The following ST18 variants were observed in gnomAD, a reference collection of about 807,000 sequenced individuals.
ST18 encodes the protein ST18 C2H2C-type zinc finger transcription factor.
In ST18, 50 loss-of-function variants were observed where a neutral mutation model predicts 110.0. The ratio of observed to expected loss-of-function variants is 0.45; its 90% CI spans 0.36 to 0.58. The LOEUF (loss-of-function observed/expected upper bound fraction) is 0.58, where lower values mean the gene tolerates loss of function less well. ST18 is among the 20% of genes least tolerant of loss of function. ST18 has a pLI of 0.00. For synonymous variants in ST18, 461 were observed against 452.4 expected (o/e 1.02, Z -0.24); for missense variants, 1,306 against 1,280.1 (o/e 1.02, Z -0.31).
chr8:52,147,316 A>G (rs1167917553), intron 16 of ST18, among the ~76,000 whole-genome samples: 1 of 152,228 alleles, frequency 6.6e-6, no homozygotes, highest in Non-Finnish European at 1.5e-5. Context: ...AAAAAGTAAC[A>G]TAAAATATTT....
At chr8:52,249,451 T>A (rs1027212529) in intron 2 of ST18, 1 of 152,230 alleles carries the variant, frequency 6.6e-6, no homozygotes, top group Admixed American at 6.6e-5. Context: ...AGTCCAGTGT[T>A]TGTGTCGTTG....
chr8:52,234,347 C>G (rs1034207517), intron 2 of ST18, among the ~76,000 whole-genome samples: 2 of 152,100 alleles, frequency 1.3e-5, no homozygotes, highest in African/African-American at 4.8e-5. Flanking sequence ...TCACTGCAAC[C>G]TCCGCCCCCC....
chr8:52,194,378 ATC>A (rs893846225), intron 8 of ST18: 1 of 149,282 alleles, frequency 6.7e-6, no homozygotes, highest in Non-Finnish European at 1.5e-5. Context: ...TATAAACCTT[ATC>A]TCTCTACACT....
intron 2 of ST18, among the ~76,000 whole-genome samples, chr8:52,311,535 C>G (rs765496801): frequency 6.6e-6 from 1 of 152,108 alleles, no homozygotes; most frequent in Admixed American, 6.5e-5. Context: ...ACTGCTATAA[C>G]GATACTACCA....
chr8:52,242,378 G>C (rs967305889), intron 2 of ST18, among the ~76,000 whole-genome samples: 1 of 152,218 alleles, frequency 6.6e-6, no homozygotes, highest in Non-Finnish European at 1.5e-5. Flanking sequence ...TATGGTGCCT[G>C]AGGTTGAATC....
intron 16 of ST18, among the ~76,000 whole-genome samples, chr8:52,144,793 T>C (rs931536752): frequency 1.3e-5 from 2 of 152,118 alleles, no homozygotes; most frequent in Non-Finnish European, 2.9e-5. Flanking sequence ...GCTGCCTCCA[T>C]GGGATCCACA....
intron 2 of ST18, among the ~76,000 whole-genome samples, chr8:52,374,409 G>A (rs891065384): frequency 2.0e-5 from 3 of 152,104 alleles, no homozygotes; most frequent in Non-Finnish European, 1.5e-5. Context: ...ACACTCCCTC[G>A]GAGCCTCCAG....
chr8:52,205,801 C>T (rs891958440), intron 8 of ST18, among the ~76,000 whole-genome samples: 1 of 152,120 alleles, frequency 6.6e-6, no homozygotes, highest in African/African-American at 2.4e-5. Flanking sequence ...CTCCTAACCT[C>T]AAGCGTTCCA....
rs546699965 is a variant in ST18, at chr8:52,172,143, C to T, written c.718G>A (p.Gly240Ser). 22 of 1,614,122 alleles carry T rather than the reference C, an allele frequency of 1.4e-5. No homozygotes were observed. Among genetic ancestry groups the T allele is most frequent in the Non-Finnish European group, 1.7e-5 (20 of 1,180,016 alleles). ...LLEVPEIKTE[G>S]DKFIPCENRC... Reference sequence around the variant, plus strand: ...TTCTCACAAGGGATAAATTTGTCACCTTCAGTTTTTATTTCAGGAACTTCC... The same window carrying T: ...TTCTCACAAGGGATAAATTTGTCACTTTCAGTTTTTATTTCAGGAACTTCC... The change falls in exon 10 of 26, where the codon GGT becomes AGT. Residue 240 changes from glycine (G) to serine (S), a missense_variant. Transcript: ENST00000689386.
At chr8:52,166,324 C>T (rs2062969811) in intron 11 of ST18, among the ~76,000 whole-genome samples, 1 of 152,204 alleles carries the variant, frequency 6.6e-6, no homozygotes, top group Admixed American at 6.5e-5. Context: ...GCAATCCAGC[C>T]AATCTGGAAC....
intron 16 of ST18, among the ~76,000 whole-genome samples, chr8:52,143,268 C>G (rs566801089): frequency 2.8e-4 from 43 of 152,268 alleles, no homozygotes; most frequent in African/African-American, 8.9e-4. Flanking sequence ...AGGCGGATCA[C>G]GAGGTCAAGA....
rs2049479060 is a variant in ST18 at position 52,131,299 on chromosome 8, A to G, written c.2666+659T>C. Among the ~76,000 whole-genome samples, 3 of 152,224 alleles carry G rather than the reference A, an allele frequency of 2.0e-5. No homozygotes were observed. The South Asian group carries it at 6.2e-4, about 32-fold the overall frequency. ...CCCTGTAGGGAGAAATATGTAGGGA[A>G]GCTTCTAATCTTTCCCTTTAGGTGG... On this transcript the variant is annotated intron_variant, in intron 22 of 25. Transcript: ENST00000689386.
intron 15 of ST18, among the ~76,000 whole-genome samples, chr8:52,156,672 A>G (rs1044983658): frequency 6.6e-6 from 1 of 152,226 alleles, no homozygotes; most frequent in Non-Finnish European, 1.5e-5. Context: ...TCTCTTCAAC[A>G]TTAAGAAAAT....
intron 7 of ST18, 81 bp from the exon 8 acceptor site, chr8:52,212,190 C>T: frequency 2.2e-6 from 3 of 1,368,520 alleles, no homozygotes; most frequent in South Asian, 2.5e-5. Context: ...TTTCCCCCAC[C>T]TAGAGGTAAC....
Position 52,269,594 on chromosome 8 carries a change from A to G in ST18, c.-464-39517T>C, listed in dbSNP as rs533127289. On this transcript the variant is annotated intron_variant, in intron 2 of 25. Transcript: ENST00000689386. Reference sequence around the variant, plus strand: ...TTGGAGTGGTCTTTGGGCAAATTAGAGTGCATTATGAGCTGTTTGGATTCT... The same window carrying G: ...TTGGAGTGGTCTTTGGGCAAATTAGGGTGCATTATGAGCTGTTTGGATTCT... 5.9e-5 allele frequency among the ~76,000 whole-genome samples: 9 copies of G among 152,228 alleles called. No homozygotes were observed. In the South Asian group the frequency reaches 1.2e-3, roughly 21 times the overall value.
intron 2 of ST18, among the ~76,000 whole-genome samples, chr8:52,340,526 CG>C (rs1814450537): frequency 1.3e-5 from 2 of 152,308 alleles, no homozygotes; most frequent in South Asian, 4.1e-4. Context: ...AAGTCTATCA[CG>C]GGGTTTTCAT....
In ST18 at chr8:52,113,231, A is replaced by G. The variant is rs957171742; in HGVS notation, c.3111T>C (p.Ser1037=). 6.8e-6 allele frequency: 11 copies of G among 1,613,970 alleles called. No homozygotes were observed. Among genetic ancestry groups the G allele is most frequent in the Non-Finnish European group, 8.5e-6 (10 of 1,179,982 alleles). The stretch of plus-strand genomic sequence containing the variant: ...GGATACCCTTCACTGCCTGTTTGAT[A>G]CTTTCCAGTAGAGCTTTGCATTCCG... ...YSPECKALLE[S]IKQAVKGIHV is the part of the protein sequence containing the mutation. The change falls in exon 26 of 26, where the codon AGT becomes AGC. Residue 1037 remains serine, a synonymous_variant. Transcript: ENST00000689386.
chr8:52,392,849 C>G (rs995469804), intron 2 of ST18, among the ~76,000 whole-genome samples: 6 of 152,314 alleles, frequency 3.9e-5, no homozygotes, highest in South Asian at 2.1e-4. Context: ...AGGGAAATTA[C>G]AAAGTTACAC....
chr8:52,200,490 G>A (rs934975318), intron 8 of ST18, among the ~76,000 whole-genome samples: 1 of 152,170 alleles, frequency 6.6e-6, no homozygotes, highest in Admixed American at 6.5e-5. Flanking sequence ...GATTCTAGTT[G>A]GGTAGGGGGC....
Sources: allele counts gnomAD v4.1 joint callset (sites outside exome capture counted in the v4.1 genomes callset), GRCh38; gene constraint gnomAD v4.1.1; transcripts MANE v1.5; gene names NCBI Gene and HGNC (gene_info 2026-07-23, HGNC 2026-07-21).